Variants in MICU3 observed in about 807,000 individuals in gnomAD.
MICU3 encodes the protein calcium uptake protein 3, mitochondrial.
In MICU3, 62 loss-of-function variants were observed where a neutral mutation model predicts 66.5. The ratio of observed to expected loss-of-function variants is 0.93; its 90% CI spans 0.76 to 1.15. The LOEUF (loss-of-function observed/expected upper bound fraction) is 1.15, where lower values mean the gene tolerates loss of function less well. Among genes scored for constraint, MICU3 ranks in the 50% most tolerant of loss-of-function variants. The pLI, the probability that MICU3 is intolerant of heterozygous loss-of-function variation, is 0.00. For missense variants in MICU3, 779 were observed against 664.4 expected (o/e 1.17, Z -1.90); for synonymous variants, 308 against 240.7 (o/e 1.28, Z -2.59).
chr8:17,066,142 A>G (rs920558077), intron 2 of MICU3, among the ~76,000 whole-genome samples: 1 of 151,936 alleles, frequency 6.6e-6, no homozygotes, highest in African/African-American at 2.4e-5. Flanking sequence ...TCCATTTGGT[A>G]CAATGTAGAT....
At chr8:17,055,923 G>A (rs1816850001) in intron 1 of MICU3, among the ~76,000 whole-genome samples, 1 of 152,164 alleles carries the variant, frequency 6.6e-6, no homozygotes, top group African/African-American at 2.4e-5. Flanking sequence ...GGATAAAGGT[G>A]AATTAACTGT....
At chr8:17,060,630 G>A (rs1184865481) in intron 1 of MICU3, among the ~76,000 whole-genome samples, 2 of 152,030 alleles carry the variant, frequency 1.3e-5, no homozygotes, top group Admixed American at 1.3e-4. Flanking sequence ...CATTTAACCA[G>A]TCCATTTTTC....
chr8:17,058,619 A>C (rs1048149848), intron 1 of MICU3, among the ~76,000 whole-genome samples: 10 of 152,162 alleles, frequency 6.6e-5, no homozygotes, highest in Non-Finnish European at 2.9e-5. Flanking sequence ...TTCAGAAGCA[A>C]AGCTCAATCT....
At chr8:17,077,104 G>A (rs1051692496) in intron 3 of MICU3, among the ~76,000 whole-genome samples, 6 of 152,062 alleles carry the variant, frequency 3.9e-5, no homozygotes, top group African/African-American at 1.2e-4. Flanking sequence ...AGTAGTTTCC[G>A]AGCAGCAGTG....
intron 2 of MICU3, among the ~76,000 whole-genome samples, chr8:17,067,812 TA>T (rs1286632288): frequency 6.6e-6 from 1 of 152,176 alleles, no homozygotes; most frequent in Non-Finnish European, 1.5e-5. Flanking sequence ...TCATAGCCAT[TA>T]TTTTTGAAAG....
At chr8:17,041,943 G>T (rs978036898) in intron 1 of MICU3, among the ~76,000 whole-genome samples, 3 of 152,090 alleles carry the variant, frequency 2.0e-5, no homozygotes, top group Non-Finnish European at 4.4e-5. Context: ...GAGGTTTGGG[G>T]GAAAGTGGAG....
chr8:17,073,683 T>G (rs1473507798), intron 3 of MICU3, among the ~76,000 whole-genome samples: 1 of 152,210 alleles, frequency 6.6e-6, no homozygotes, highest in Non-Finnish European at 1.5e-5. Context: ...GCCAAAAAGG[T>G]TGGGGACTGC....
At chr8:17,104,883 T>C (rs1183359956) in intron 10 of MICU3, among the ~76,000 whole-genome samples, 1 of 80,436 alleles carries the variant, frequency 1.2e-5, no homozygotes, top group Non-Finnish European at 2.1e-5. Context: ...TAGTCCCAGC[T>C]ACTCGGGAGG....
At chr8:17,034,848 T>C (rs755189829) in intron 1 of MICU3, among the ~76,000 whole-genome samples, 3 of 152,248 alleles carry the variant, frequency 2.0e-5, no homozygotes, top group Non-Finnish European at 2.9e-5. Context: ...CTGTGAACAT[T>C]GTTGAAATGA....
chr8:17,119,532 C>CATAGATAGATAGATAG (rs10524011), intron 14 of MICU3, among the ~76,000 whole-genome samples: 4 of 124,100 alleles, frequency 3.2e-5, no homozygotes, highest in East Asian at 2.1e-4. Context: ...AAGCTTGAAG[C>CATAGATAGATAGATAG]ATAGATAGAT....
chr8:17,027,643 G>A lies in MICU3; in HGVS notation c.364G>A (p.Ala122Thr). ...RGRGMLPIPVAAAKETVAIGR... is the reference protein window; with the variant it reads ...RGRGMLPIPVTAAKETVAIGR... ...CCGGGGGATGCTGCCCATCCCAGTG[G>A]CGGCTGCCAAGGAGACGGTGAGTGC... Residue 122 changes from alanine to threonine, a missense_variant, in exon 1 of 15, where the codon GCG (alanine) becomes ACG (threonine). Transcript: ENST00000318063. The A allele has an allele frequency of 7.7e-7, 1 of 1,303,306 alleles. No homozygotes were observed. The highest frequency in any genetic ancestry group is 9.7e-7 in the Non-Finnish European group (1 of 1,029,216). 80.7% of individuals were successfully genotyped at this position (1,303,306 alleles called of 1,614,324 possible).
At position 17,090,601 on chromosome 8, in the gene MICU3, A is replaced by C. The variant is rs1289429190; in HGVS notation, c.888+17A>C. ...ACTAATAGTGTATGTACAATACTTT[A>C]AATGTTCTTTATGTATATAGCCCTC... On this transcript the variant is annotated intron_variant, in intron 8 of 14. Coordinates refer to ENST00000318063, the MANE Select transcript of MICU3 (RefSeq NM_181723.3). 4.4e-6 allele frequency: 7 copies of C among 1,587,668 alleles called. No individual in the cohort carries two copies. The highest frequency in any genetic ancestry group is 6.0e-6 in the Non-Finnish European group (7 of 1,161,684).
chr8:17,132,455 C>A, the MICU3 span: 1 of 152,172 alleles, frequency 6.6e-6, no homozygotes. Flanking sequence ...TTCTACTACA[C>A]TTTTCTATTG....
intron 1 of MICU3, among the ~76,000 whole-genome samples, chr8:17,047,618 A>G (rs1213007173): frequency 2.0e-5 from 3 of 152,262 alleles, no homozygotes; most frequent in Admixed American, 2.0e-4. Context: ...AGTTGACCTG[A>G]TTATAGACGA....
chr8:17,085,901 C>T (rs1487402695), intron 6 of MICU3, among the ~76,000 whole-genome samples: 1 of 152,110 alleles, frequency 6.6e-6, no homozygotes, highest in African/African-American at 2.4e-5. Flanking sequence ...TTCACATACC[C>T]TGCTTCCAGA....
At chr8:17,130,697 C>A in the MICU3 span, among the ~76,000 whole-genome samples, 1 of 151,994 alleles carries the variant, frequency 6.6e-6, no homozygotes, top group Admixed American at 6.6e-5. Context: ...ATATAGATTG[C>A]GACCCATAGA....
intron 1 of MICU3, among the ~76,000 whole-genome samples, chr8:17,033,075 A>G (rs925349685): frequency 1.3e-5 from 2 of 152,186 alleles, no homozygotes; most frequent in Non-Finnish European, 2.9e-5. Flanking sequence ...TCAGTCACAA[A>G]AATACTGAAA....
intron 1 of MICU3, among the ~76,000 whole-genome samples, chr8:17,038,827 C>G (rs776873393): frequency 2.0e-5 from 3 of 151,994 alleles, no homozygotes; most frequent in African/African-American, 4.8e-5. Context: ...GTGGCAGTCG[C>G]CTGTAGTCCC....
intron 1 of MICU3, among the ~76,000 whole-genome samples, chr8:17,047,935 AATT>A (rs778969600): frequency 5.3e-5 from 8 of 152,202 alleles, no homozygotes; most frequent in Non-Finnish European, 7.3e-5. Context: ...ATACAACAAC[AATT>A]ATTATTATTT....
Sources: gnomAD v4.1 joint callset for allele counts (sites outside exome capture counted in the v4.1 genomes callset) on GRCh38, gnomAD v4.1.1 for gene constraint, MANE v1.5 for transcripts, NCBI Gene and HGNC (gene_info 2026-07-23, HGNC 2026-07-21) for gene names.